ZMIZ1: variants seen among roughly 807,000 people sequenced by gnomAD.
ZMIZ1 encodes zinc finger MIZ domain-containing protein 1.
A neutral mutation model predicts 113.9 loss-of-function variants in ZMIZ1; 17 were observed. That is an observed-to-expected ratio of 0.15 (90% confidence interval 0.10 to 0.22). ZMIZ1 has a LOEUF of 0.22. Ranked by LOEUF, ZMIZ1 falls within the 10% of genes least tolerant of loss-of-function variation. The pLI, the probability that ZMIZ1 is intolerant of heterozygous loss-of-function variation, is 1.00. For synonymous variants in ZMIZ1, 607 were observed against 603.1 expected (o/e 1.01, Z -0.09); for missense variants, 1,059 against 1,477.8 (o/e 0.72, Z 4.65).
At chr10:79,221,080 T>C (rs1848946023) in intron 7 of ZMIZ1, among the ~76,000 whole-genome samples, 1 of 152,166 alleles carries the variant, frequency 6.6e-6, no homozygotes. Context: ...TGTGTGTGGG[T>C]GCATGCCTGT....
At chr10:79,182,118 G>A (rs1847145669) in intron 4 of ZMIZ1, among the ~76,000 whole-genome samples, 1 of 152,232 alleles carries the variant, frequency 6.6e-6, no homozygotes, top group Non-Finnish European at 1.5e-5. Context: ...AACTGTGTGT[G>A]TGTATGTGCA....
intron 1 of ZMIZ1, among the ~76,000 whole-genome samples, chr10:79,097,568 T>A (rs979884761): frequency 2.4e-4 from 36 of 152,318 alleles, no homozygotes; most frequent in African/African-American, 7.5e-4. Context: ...AATTGGACTG[T>A]TTCCCCAGTA....
intron 18 of ZMIZ1, among the ~76,000 whole-genome samples, chr10:79,303,786 C>T (rs931197474): frequency 7.9e-5 from 12 of 152,248 alleles, no homozygotes; most frequent in South Asian, 2.1e-4. Flanking sequence ...ACAGCCACCT[C>T]GTCTGGCACA....
intron 7 of ZMIZ1, among the ~76,000 whole-genome samples, chr10:79,267,293 C>A (rs1187438304): frequency 6.6e-6 from 1 of 152,188 alleles, no homozygotes; most frequent in Non-Finnish European, 1.5e-5. Context: ...GCTGGGCACT[C>A]CTGAGCATCT....
intron 7 of ZMIZ1, among the ~76,000 whole-genome samples, chr10:79,231,793 G>A (rs985429180): frequency 6.6e-6 from 1 of 152,108 alleles, no homozygotes; most frequent in Non-Finnish European, 1.5e-5. Flanking sequence ...GGCCAGGCTG[G>A]TCTCGAACTC....
At chr10:79,290,741 C>T (rs1397927948) in intron 9 of ZMIZ1, 3 of 702,086 alleles carry the variant, frequency 4.3e-6, no homozygotes, top group Non-Finnish European at 7.8e-6. Context: ...TGTTCCATCA[C>T]AAGGCTGACG....
intron 4 of ZMIZ1, among the ~76,000 whole-genome samples, chr10:79,173,896 G>T (rs1846707557): frequency 6.6e-6 from 1 of 152,196 alleles, no homozygotes; most frequent in Non-Finnish European, 1.5e-5. Context: ...CCCTCAGCCA[G>T]ACCCTGGCAC....
chr10:79,293,284 C>G (rs866850107), intron 11 of ZMIZ1, 97 bp from the exon 12 acceptor site: 9 of 1,425,766 alleles, frequency 6.3e-6, no homozygotes, highest in Middle Eastern at 3.9e-4. Flanking sequence ...CCCCACTCCT[C>G]CACCTCCCCA....
Position 79,082,048 on chromosome 10 carries a change from G to A in ZMIZ1, c.-337+12778G>A, listed in dbSNP as rs181718151. ...CACCATCTAGCCAGTGCCCAGCCCT[G>A]CCTGTTACTCCACAGAAACCCTTTG... On this transcript the variant is annotated intron_variant, in intron 1 of 24. Coordinates refer to ENST00000334512, the MANE Select transcript of ZMIZ1 (RefSeq NM_020338.4). 1.3e-3 allele frequency among the ~76,000 whole-genome samples: 198 copies of A among 152,372 alleles called. 5 individuals carry two copies. The South Asian group carries it at 0.027, about 20-fold the overall frequency.
At chr10:79,197,159 G>T (rs1157466106) in intron 4 of ZMIZ1, among the ~76,000 whole-genome samples, 1 of 152,238 alleles carries the variant, frequency 6.6e-6, no homozygotes, top group Non-Finnish European at 1.5e-5. Flanking sequence ...GTCTCCTCCA[G>T]CTAGGAGCTG....
rs527443282 is a variant in ZMIZ1 at position 79,309,287 on chromosome 10, C to T, written c.2836-1637C>T. 3.9e-5 allele frequency among the ~76,000 whole-genome samples: 6 copies of T among 152,198 alleles called. No homozygotes were observed. In the South Asian group the frequency reaches 6.2e-4, roughly 16 times the overall value. The stretch of plus-strand genomic sequence containing the variant: ...ATGCCGGAGACATTCCAGCCAGATA[C>T]GAAGCTGAGGGGCACAGCTGCCTCT... On this transcript the variant is annotated intron_variant, in intron 23 of 24. Coordinates refer to ENST00000334512, the MANE Select transcript of ZMIZ1 (RefSeq NM_020338.4).
chr10:79,287,944 C>T (rs1464773832), intron 8 of ZMIZ1, among the ~76,000 whole-genome samples: 1 of 152,154 alleles, frequency 6.6e-6, no homozygotes, highest in African/African-American at 2.4e-5. Context: ...AAAAAAATTC[C>T]AGTGCCAGGG....
chr10:79,178,375 T>G (rs557002641), intron 4 of ZMIZ1, among the ~76,000 whole-genome samples: 1 of 152,332 alleles, frequency 6.6e-6, no homozygotes, highest in South Asian at 2.1e-4. Context: ...TGTGTGTTGG[T>G]GAGTGACGCC....
At chr10:79,092,935 GA>G in intron 1 of ZMIZ1, among the ~76,000 whole-genome samples, 1 of 151,934 alleles carries the variant, frequency 6.6e-6, no homozygotes, top group South Asian at 2.1e-4. Context: ...GACAGTACCG[GA>G]AGCAGCACCC....
chr10:79,184,539 T>C (rs935053631), intron 4 of ZMIZ1, among the ~76,000 whole-genome samples: 2 of 152,250 alleles, frequency 1.3e-5, no homozygotes, highest in Non-Finnish European at 2.9e-5. Flanking sequence ...ATAAGTGCCC[T>C]GCAAATGCAA....
At chr10:79,090,632 G>A (rs72816238) in intron 1 of ZMIZ1, among the ~76,000 whole-genome samples, 8,148 of 152,304 alleles carry the variant, frequency 0.053, 317 homozygotes, top group Non-Finnish European at 0.08. Flanking sequence ...GAGAGTTGCA[G>A]ATAGTGGCTG....
intron 6 of ZMIZ1, among the ~76,000 whole-genome samples, chr10:79,215,105 C>T (rs536565586): frequency 1.2e-4 from 18 of 152,264 alleles, no homozygotes; most frequent in Admixed American, 1.2e-3. Flanking sequence ...TGGAAGCCCC[C>T]CATTTGCTGG....
intron 6 of ZMIZ1, among the ~76,000 whole-genome samples, chr10:79,214,748 C>G (rs1245853777): frequency 1.3e-5 from 2 of 152,206 alleles, no homozygotes; most frequent in Non-Finnish European, 2.9e-5. Context: ...TCTGGGTGCT[C>G]TCCCTACTCA....
In ZMIZ1 at chr10:79,225,155, A is replaced by G. The variant is rs79927673; in HGVS notation, c.280+8881A>G. Among the ~76,000 whole-genome samples, 1,157 of 152,334 alleles carry G rather than the reference A, an allele frequency of 7.6e-3. 13 individuals are homozygous for G. The highest frequency in any genetic ancestry group is 0.026 in the African/African-American group (1,088 of 41,564). ...ATGCAGTAAGCAGAGGCTGTGTAGA[A>G]GAAGCACCCACAGTGCCTGCAACAA... On this transcript the variant is annotated intron_variant, in intron 7 of 24. Coordinates refer to ENST00000334512, the MANE Select transcript of ZMIZ1 (RefSeq NM_020338.4).
Sources: gnomAD v4.1 joint callset for allele counts (sites outside exome capture counted in the v4.1 genomes callset) on GRCh38, gnomAD v4.1.1 for gene constraint, MANE v1.5 for transcripts, NCBI Gene and HGNC (gene_info 2026-07-23, HGNC 2026-07-21) for gene names.